SLC9C1: variants seen among roughly 807,000 people sequenced by gnomAD.
SLC9C1 encodes the protein sodium/hydrogen exchanger 10.
Under a neutral mutation model 140.9 loss-of-function variants are expected in SLC9C1, and 97 were observed. The ratio of observed to expected loss-of-function variants is 0.69; its 90% CI spans 0.58 to 0.82. The LOEUF is 0.82. Ranked by LOEUF, SLC9C1 falls within the 40% of genes least tolerant of loss-of-function variation. SLC9C1 has a pLI of 0.00. For synonymous variants in SLC9C1, 440 were observed against 442.6 expected, an observed-to-expected ratio of 0.99 and a Z score of 0.07; for missense variants, 1,340 against 1,389.3, an observed-to-expected ratio of 0.96 and a Z score of 0.56.
chr3:112,218,842 T>C (rs2078460937), intron 14 of SLC9C1, among the ~76,000 whole-genome samples: 1 of 152,252 alleles, frequency 6.6e-6, no homozygotes, highest in African/African-American at 2.4e-5. Context: ...ATTCAGGCTC[T>C]TGAACTCCTA....
chr3:112,228,605 A>T (rs912770675), intron 13 of SLC9C1, among the ~76,000 whole-genome samples: 1 of 152,172 alleles, frequency 6.6e-6, no homozygotes, highest in Non-Finnish European at 1.5e-5. Flanking sequence ...AACCTGCAGA[A>T]CAAAAAGAAA....
At chr3:112,281,200 G>A (rs930759780) in intron 2 of SLC9C1, among the ~76,000 whole-genome samples, 6 of 152,132 alleles carry the variant, frequency 3.9e-5, no homozygotes, top group African/African-American at 1.4e-4. Flanking sequence ...AACTAGTTGT[G>A]GAATAGTGGG....
At chr3:112,141,442 G>T (rs1405990449) in intron 28 of SLC9C1, among the ~76,000 whole-genome samples, 161 bp from the exon 29 acceptor site, 2 of 152,196 alleles carry the variant, frequency 1.3e-5, no homozygotes, top group African/African-American at 4.8e-5. Flanking sequence ...GAGCAAGTGA[G>T]TGTGAATCCC....
At chr3:112,169,891 T>C (rs1325312465) in intron 23 of SLC9C1, among the ~76,000 whole-genome samples, 1 of 152,204 alleles carries the variant, frequency 6.6e-6, no homozygotes, top group Non-Finnish European at 1.5e-5. Flanking sequence ...TTGTGTCATC[T>C]AAAATTTCTT....
intron 14 of SLC9C1, among the ~76,000 whole-genome samples, chr3:112,219,301 C>CA (rs893412717): frequency 2.1e-5 from 3 of 141,488 alleles, no homozygotes; most frequent in African/African-American, 7.8e-5. Flanking sequence ...ATCAGCTCAG[C>CA]AAAGAAGCAA....
intron 20 of SLC9C1, among the ~76,000 whole-genome samples, chr3:112,192,459 A>G (rs569633809): frequency 1.2e-4 from 19 of 152,308 alleles, no homozygotes; most frequent in African/African-American, 4.3e-4. Flanking sequence ...ATAAAATTCC[A>G]TTGTATGTAT....
intron 23 of SLC9C1, among the ~76,000 whole-genome samples, chr3:112,179,306 T>C (rs573147970): frequency 1.3e-5 from 2 of 152,336 alleles, no homozygotes; most frequent in South Asian, 4.1e-4. Context: ...CCAGTTTTTC[T>C]GGATACATCT....
At chr3:112,178,821 A>G (rs900435026) in intron 23 of SLC9C1, among the ~76,000 whole-genome samples, 15 of 152,220 alleles carry the variant, frequency 9.9e-5, no homozygotes, top group African/African-American at 3.4e-4. Context: ...GCGATGGCAC[A>G]ATGGAGATTT....
At position 112,166,099 on chromosome 3, in the gene SLC9C1, G is replaced by A. The variant is rs2220700; in HGVS notation, c.3364+1122C>T. Among the ~76,000 whole-genome samples the A allele has an allele frequency of 9.4e-3, 1,438 of 152,294 alleles. 20 individuals are homozygous for A. The highest frequency in any genetic ancestry group is 0.033 in the African/African-American group (1,363 of 41,556). On this transcript the variant is annotated intron_variant, in intron 26 of 28. Transcript: ENST00000305815. ...GCTGGATATAATCTCCTGGTGTGCC[G>A]TTTGCTAAGATCGTTGGAAAAGCAC...
At chr3:112,273,233 G>A (rs1199235055) in intron 6 of SLC9C1, among the ~76,000 whole-genome samples, 1 of 151,996 alleles carries the variant, frequency 6.6e-6, no homozygotes, top group Non-Finnish European at 1.5e-5. Context: ...ATAGCTATAG[G>A]AGGTTTTATG....
At position 112,169,092 on chromosome 3, in the gene SLC9C1, T is replaced by TA. The variant is rs748807413; in HGVS notation, c.3052-31dup. ...TTTAGAAAACACAATTTCAGTCTAT[T>TA]ATTAGTCTATGAAGTTCAGTATATA... On this transcript the variant is annotated intron_variant, in intron 24 of 28. Coordinates refer to ENST00000305815, the MANE Select transcript of SLC9C1 (RefSeq NM_183061.3). 2.5e-6 allele frequency: 4 copies of TA among 1,575,536 alleles called. No homozygotes were observed. In the East Asian group the frequency reaches 9.0e-5, roughly 35 times the overall value.
chr3:112,199,519 T>C (rs2077852360), intron 19 of SLC9C1, 50 bp from the exon 20 acceptor site: 2 of 1,413,650 alleles, frequency 1.4e-6, no homozygotes, highest in Non-Finnish European at 9.4e-7. Context: ...TTGTTTTAAA[T>C]GTTTTATGTG....
At chr3:112,236,648 C>T (rs1576414663) in intron 12 of SLC9C1, among the ~76,000 whole-genome samples, 1 of 152,140 alleles carries the variant, frequency 6.6e-6, no homozygotes, top group African/African-American at 2.4e-5. Context: ...GAATGTGTCC[C>T]AGAGATCCTG....
intron 13 of SLC9C1, among the ~76,000 whole-genome samples, chr3:112,228,567 A>G (rs2078740429): frequency 6.6e-6 from 1 of 152,170 alleles, no homozygotes; most frequent in Non-Finnish European, 1.5e-5. Flanking sequence ...CTGCACAGCA[A>G]AGGAAGCAAT....
At chr3:112,170,392 G>T (rs147562576) in intron 23 of SLC9C1, among the ~76,000 whole-genome samples, 9 of 152,098 alleles carry the variant, frequency 5.9e-5, no homozygotes, top group Non-Finnish European at 1.0e-4. Context: ...TTTGAACATT[G>T]TTTATATACC....
chr3:112,152,506 C>G (rs2075015120), intron 27 of SLC9C1, among the ~76,000 whole-genome samples: 1 of 151,842 alleles, frequency 6.6e-6, no homozygotes, highest in African/African-American at 2.4e-5. Context: ...GAGCAGGAGA[C>G]AGATGCCTTC....
chr3:112,195,494 T>A (rs1358530644), intron 20 of SLC9C1, among the ~76,000 whole-genome samples: 1 of 152,148 alleles, frequency 6.6e-6, no homozygotes, highest in Admixed American at 6.5e-5. Context: ...TTGCTGTATT[T>A]TTTTTGTATA....
At chr3:112,189,619 T>C (rs1375577271) in intron 20 of SLC9C1, among the ~76,000 whole-genome samples, 1 of 152,236 alleles carries the variant, frequency 6.6e-6, no homozygotes, top group African/African-American at 2.4e-5. Flanking sequence ...AGTACCATAC[T>C]GTTTTGGTTA....
chr3:112,154,730 G>A (rs1309639365), intron 27 of SLC9C1, among the ~76,000 whole-genome samples: 1 of 152,134 alleles, frequency 6.6e-6, no homozygotes, highest in African/African-American at 2.4e-5. Context: ...AGCCATCCTG[G>A]TAGTGCCTGG....
Sources: gnomAD v4.1 joint callset for allele counts (sites outside exome capture counted in the v4.1 genomes callset) on GRCh38, gnomAD v4.1.1 for gene constraint, MANE v1.5 for transcripts, NCBI Gene and HGNC (gene_info 2026-07-23, HGNC 2026-07-21) for gene names.